Variants in KAZN observed in about 807,000 individuals in gnomAD.
KAZN encodes kazrin.
KAZN carries 40 observed loss-of-function variants against 87.4 expected under a neutral mutation model. The ratio of observed to expected loss-of-function variants is 0.46; its 90% CI spans 0.36 to 0.60. The LOEUF (loss-of-function observed/expected upper bound fraction) is 0.60. Ranked by LOEUF, KAZN falls within the 20% of genes least tolerant of loss-of-function variation. The pLI is 0.00. For synonymous variants in KAZN, 466 were observed against 458.3 expected, an observed-to-expected ratio of 1.02 and a Z score of -0.22; for missense variants, 898 against 1,073.9, an observed-to-expected ratio of 0.84 and a Z score of 2.29.
intron 2 of KAZN, among the ~76,000 whole-genome samples, chr1:14,383,628 A>G (rs1316645499): frequency 2.6e-5 from 4 of 151,732 alleles, no homozygotes; most frequent in Non-Finnish European, 5.9e-5. Flanking sequence ...ATAGTTGTAG[A>G]TATGCGGCAT....
intron 1 of KAZN, chr1:14,945,872 G>A: frequency 1.0e-6 from 1 of 985,442 alleles, no homozygotes; most frequent in Non-Finnish European, 1.2e-6. Context: ...CCCAAGACTT[G>A]CTCTCCTTTC....
At chr1:13,978,857 T>C (rs1362947853) in intron 1 of KAZN, among the ~76,000 whole-genome samples, 3 of 151,966 alleles carry the variant, frequency 2.0e-5, no homozygotes, top group Non-Finnish European at 4.4e-5. Flanking sequence ...GCCTAGCATT[T>C]TGGGAGGCTG....
chr1:14,308,637 T>A (rs569823565), intron 2 of KAZN, among the ~76,000 whole-genome samples: 65 of 152,328 alleles, frequency 4.3e-4, no homozygotes, highest in Non-Finnish European at 7.6e-4. Flanking sequence ...ACTGGCTGTG[T>A]GACCTTGGGC....
intron 1 of KAZN, among the ~76,000 whole-genome samples, chr1:14,673,367 G>A (rs1024259045): frequency 1.3e-5 from 2 of 152,238 alleles, no homozygotes; most frequent in African/African-American, 4.8e-5. Flanking sequence ...TGGTTTCAAA[G>A]TGGCCCATTG....
intron 2 of KAZN, among the ~76,000 whole-genome samples, chr1:15,012,641 GC>G (rs1338910952): frequency 6.6e-6 from 1 of 152,216 alleles, no homozygotes; most frequent in Non-Finnish European, 1.5e-5. Flanking sequence ...TGGGATCATG[GC>G]CCGGCGTGGT....
intron 1 of KAZN, among the ~76,000 whole-genome samples, chr1:14,882,351 A>G (rs1653432728): frequency 6.6e-6 from 1 of 152,240 alleles, no homozygotes; most frequent in South Asian, 2.1e-4. Flanking sequence ...CAGCGGCAGT[A>G]ACATTGAAGC....
At chr1:14,520,560 T>C (rs545891865) in intron 2 of KAZN, among the ~76,000 whole-genome samples, 21 of 152,174 alleles carry the variant, frequency 1.4e-4, no homozygotes, top group African/African-American at 5.1e-4. Flanking sequence ...CCAAGAGAGC[T>C]CCTCTGACTT....
At chr1:14,728,787 T>C (rs1392848353) in intron 1 of KAZN, among the ~76,000 whole-genome samples, 3 of 152,024 alleles carry the variant, frequency 2.0e-5, no homozygotes, top group African/African-American at 4.8e-5. Flanking sequence ...TGGAACAAAT[T>C]TGTGAAGGCC....
At chr1:14,806,483 G>T (rs1230439316) in intron 1 of KAZN, among the ~76,000 whole-genome samples, 2 of 152,178 alleles carry the variant, frequency 1.3e-5, no homozygotes, top group Non-Finnish European at 2.9e-5. Context: ...GGCTTTCTCA[G>T]CCGGATGGCT....
At chr1:14,385,279 A>T (rs1316944712) in intron 2 of KAZN, among the ~76,000 whole-genome samples, 1 of 152,086 alleles carries the variant, frequency 6.6e-6, no homozygotes, top group Non-Finnish European at 1.5e-5. Flanking sequence ...GGATTCATTA[A>T]TTTTTTGAAA....
At chr1:13,918,267 C>T (rs879293638) in intron 1 of KAZN, among the ~76,000 whole-genome samples, 2 of 152,106 alleles carry the variant, frequency 1.3e-5, no homozygotes, top group Admixed American at 1.3e-4. Flanking sequence ...AAAATATCAG[C>T]ATTAACGGGA....
At chr1:13,992,164 ATT>A (rs1639312050) in intron 1 of KAZN, among the ~76,000 whole-genome samples, 1 of 152,080 alleles carries the variant, frequency 6.6e-6, no homozygotes, top group African/African-American at 2.4e-5. Context: ...CATGAAAAAT[ATT>A]TTTGTCTCCC....
intron 1 of KAZN, among the ~76,000 whole-genome samples, chr1:14,603,532 T>C (rs1227473571): frequency 1.3e-5 from 2 of 152,200 alleles, no homozygotes; most frequent in African/African-American, 4.8e-5. Flanking sequence ...CCATTGTCTT[T>C]GGAAAATGCC....
chr1:15,110,121 TTGTG>T (rs1641477183), intron 13 of KAZN, among the ~76,000 whole-genome samples: 2 of 150,588 alleles, frequency 1.3e-5, no homozygotes, highest in Admixed American at 1.3e-4. Context: ...GTGTGTGTAT[TTGTG>T]TATGTGTCTG....
intron 2 of KAZN, among the ~76,000 whole-genome samples, chr1:14,239,333 A>G (rs770207964): frequency 1.3e-5 from 2 of 151,984 alleles, no homozygotes; most frequent in Non-Finnish European, 2.9e-5. Flanking sequence ...TTTTCTCTGC[A>G]TTATTGCTGT....
chr1:14,802,181 G>A (rs896245193), intron 1 of KAZN, among the ~76,000 whole-genome samples: 5 of 152,074 alleles, frequency 3.3e-5, no homozygotes, highest in Admixed American at 2.6e-4. Context: ...CAAGGCTGGT[G>A]GATCACTTGA....
At chr1:14,346,091 C>T (rs748166942) in intron 2 of KAZN, among the ~76,000 whole-genome samples, 2 of 152,198 alleles carry the variant, frequency 1.3e-5, no homozygotes, top group African/African-American at 2.4e-5. Flanking sequence ...CTGCTGTGCA[C>T]TTCTGAGGAG....
At chr1:14,286,725 C>T (rs529155549) in intron 2 of KAZN, among the ~76,000 whole-genome samples, 2 of 152,164 alleles carry the variant, frequency 1.3e-5, no homozygotes, top group South Asian at 2.1e-4. Flanking sequence ...ATTAACATCC[C>T]CAGGTAGCCC....
intron 1 of KAZN, among the ~76,000 whole-genome samples, chr1:14,760,255 T>C (rs1366451782): frequency 6.6e-6 from 1 of 152,154 alleles, no homozygotes; most frequent in Non-Finnish European, 1.5e-5. Context: ...CGTCTCAGGC[T>C]CTGCTTCTGA....
Sources: gnomAD v4.1 joint callset for allele counts (sites outside exome capture counted in the v4.1 genomes callset) on GRCh38, gnomAD v4.1.1 for gene constraint, MANE v1.5 for transcripts, NCBI Gene and HGNC (gene_info 2026-07-23, HGNC 2026-07-21) for gene names.